POU6F2: variants seen among roughly 807,000 people sequenced by gnomAD.
POU6F2 encodes POU class 6 homeobox 2.
In POU6F2, 31 loss-of-function variants were observed where a neutral mutation model predicts 71.3. The ratio of observed to expected loss-of-function variants is 0.43; its 90% CI spans 0.33 to 0.59. POU6F2 has a LOEUF of 0.59. Ranked by LOEUF, POU6F2 falls within the 20% of genes least tolerant of loss-of-function variation. The probability of loss-of-function intolerance (pLI) is 0.04; values close to 1 mark genes in which losing one functional copy is unlikely to be tolerated. For missense variants in POU6F2, 783 were observed against 856.8 expected (o/e 0.91, Z 1.07); for synonymous variants, 347 against 355.7 (o/e 0.98, Z 0.27).
At chr7:39,126,744 G>A (rs563887337) in intron 2 of POU6F2, among the ~76,000 whole-genome samples, 15 of 152,224 alleles carry the variant, frequency 9.9e-5, no homozygotes, top group African/African-American at 2.2e-4. Flanking sequence ...AACCAATAGC[G>A]TATGTAATTT....
At chr7:39,352,226 A>G (rs1403966414) in intron 5 of POU6F2, among the ~76,000 whole-genome samples, 1 of 152,232 alleles carries the variant, frequency 6.6e-6, no homozygotes, top group Non-Finnish European at 1.5e-5. Context: ...TAACTAAATT[A>G]GAGCTGAGAT....
At chr7:39,010,699 A>G (rs1485243449) in intron 1 of POU6F2, among the ~76,000 whole-genome samples, 2 of 138,840 alleles carry the variant, frequency 1.4e-5, no homozygotes, top group East Asian at 2.1e-4. Flanking sequence ...CTTTGAATGC[A>G]TCCCAGAGAT....
intron 2 of POU6F2, among the ~76,000 whole-genome samples, chr7:39,165,560 A>G (rs1156880105): frequency 3.3e-5 from 5 of 152,210 alleles, no homozygotes; most frequent in Admixed American, 2.6e-4. Context: ...TTGTGGCTTA[A>G]TAGGCTGATC....
chr7:39,149,750 G>GTA (rs200830854), intron 2 of POU6F2, among the ~76,000 whole-genome samples: 12 of 151,770 alleles, frequency 7.9e-5, no homozygotes, highest in East Asian at 1.9e-4. Flanking sequence ...ATATGTGTGT[G>GTA]TATATATATA....
In POU6F2 at chr7:39,250,601, T is replaced by C. The variant is rs142119418; in HGVS notation, c.598+42981T>C. Among the ~76,000 whole-genome samples, 1,120 of 152,302 alleles carry C rather than the reference T, an allele frequency of 7.4e-3. 10 individuals carry two copies. The highest frequency in any genetic ancestry group is 0.023 in the African/African-American group (972 of 41,562). ...TTCTGTTTGAAGTGCAATCATTCTG[T>C]TTCAAGATTTTGCCAGTGGAAACGA... On this transcript the variant is annotated intron_variant, in intron 4 of 9. Transcript: ENST00000518318.
At chr7:39,431,283 T>C (rs1356224108) in intron 6 of POU6F2, among the ~76,000 whole-genome samples, 3 of 152,154 alleles carry the variant, frequency 2.0e-5, no homozygotes, top group Non-Finnish European at 4.4e-5. Context: ...ATTAGTGCCA[T>C]CCCACAGGGG....
chr7:39,088,876 C>T (rs928406338), intron 2 of POU6F2, among the ~76,000 whole-genome samples: 1 of 152,208 alleles, frequency 6.6e-6, no homozygotes, highest in African/African-American at 2.4e-5. Flanking sequence ...ATGGTACCTT[C>T]AGCCCAAAAC....
intron 2 of POU6F2, among the ~76,000 whole-genome samples, chr7:39,201,132 T>C (rs1323813325): frequency 6.6e-6 from 1 of 152,216 alleles, no homozygotes; most frequent in Non-Finnish European, 1.5e-5. Flanking sequence ...TACATACATA[T>C]TAGTTCATTT....
At chr7:39,248,688 T>C (rs944908351) in intron 4 of POU6F2, among the ~76,000 whole-genome samples, 4 of 152,218 alleles carry the variant, frequency 2.6e-5, no homozygotes, top group African/African-American at 9.6e-5. Flanking sequence ...CTTCCAGTAG[T>C]TTGGGGCAAT....
chr7:39,284,928 A>G (rs1358726911), intron 4 of POU6F2, among the ~76,000 whole-genome samples: 1 of 152,148 alleles, frequency 6.6e-6, no homozygotes. Flanking sequence ...TGCTTCTCAC[A>G]GGCAAGGTCC....
chr7:39,439,772 A>T (rs1274362296), intron 7 of POU6F2, among the ~76,000 whole-genome samples: 14 of 152,134 alleles, frequency 9.2e-5, no homozygotes, highest in African/African-American at 1.2e-4. Context: ...TACAGGTGTG[A>T]GCCACCACAC....
At chr7:39,188,709 A>G (rs538517067) in intron 2 of POU6F2, among the ~76,000 whole-genome samples, 1 of 152,340 alleles carries the variant, frequency 6.6e-6, no homozygotes, top group Non-Finnish European at 1.5e-5. Context: ...CTAATTTTCT[A>G]AAGTCTAGGC....
chr7:38,998,946 G>A (rs908434061), intron 1 of POU6F2, among the ~76,000 whole-genome samples: 1 of 151,782 alleles, frequency 6.6e-6, no homozygotes, highest in Non-Finnish European at 1.5e-5. Context: ...TTACAGGCGT[G>A]AGCCACTGCA....
At chr7:39,093,434 A>T (rs1249671802) in intron 2 of POU6F2, among the ~76,000 whole-genome samples, 2 of 152,084 alleles carry the variant, frequency 1.3e-5, no homozygotes, top group African/African-American at 4.8e-5. Context: ...CTCACAAATG[A>T]AGTAGAATAT....
chr7:39,455,277 G>A (rs1788774010), intron 8 of POU6F2, among the ~76,000 whole-genome samples: 2 of 152,054 alleles, frequency 1.3e-5, no homozygotes, highest in South Asian at 4.1e-4. Context: ...TCCTTAGACA[G>A]CAAATGACTT....
At chr7:39,064,076 C>G (rs1380103404) in intron 1 of POU6F2, among the ~76,000 whole-genome samples, 1 of 152,026 alleles carries the variant, frequency 6.6e-6, no homozygotes, top group Non-Finnish European at 1.5e-5. Flanking sequence ...AAATGGATTG[C>G]TGCTGAACTT....
chr7:39,366,027 T>C (rs73386436), intron 5 of POU6F2, among the ~76,000 whole-genome samples: 1 of 152,166 alleles, frequency 6.6e-6, no homozygotes, highest in South Asian at 2.1e-4. Context: ...GGAAGAACTC[T>C]AGGGGATGGG....
intron 1 of POU6F2, among the ~76,000 whole-genome samples, chr7:39,053,632 A>T (rs969328362): frequency 6.6e-6 from 1 of 152,092 alleles, no homozygotes; most frequent in Non-Finnish European, 1.5e-5. Context: ...ATCTGCAAGC[A>T]TATGTTACAG....
At chr7:39,134,019 C>T (rs1214410503) in intron 2 of POU6F2, among the ~76,000 whole-genome samples, 4 of 151,998 alleles carry the variant, frequency 2.6e-5, no homozygotes, top group African/African-American at 9.7e-5. Context: ...GAACTACAGG[C>T]GTGTACCACC....
Sources: gnomAD v4.1 joint callset for allele counts (sites outside exome capture counted in the v4.1 genomes callset) on GRCh38, gnomAD v4.1.1 for gene constraint, MANE v1.5 for transcripts, NCBI Gene and HGNC (gene_info 2026-07-23, HGNC 2026-07-21) for gene names.